The following RORB variants were observed in gnomAD, a reference collection of about 807,000 sequenced individuals.
RORB encodes the protein nuclear receptor ROR-beta.
In RORB, 6 loss-of-function variants were observed where a neutral mutation model predicts 59.1. The observed-to-expected ratio is 0.10, with a 90% CI of 0.06 to 0.20. The LOEUF (loss-of-function observed/expected upper bound fraction) is 0.20. Ranked by LOEUF, RORB falls within the 10% of genes least tolerant of loss-of-function variation. The pLI is 1.00. For missense variants in RORB, 320 were observed against 560.5 expected (o/e 0.57, Z 4.33); for synonymous variants, 215 against 204.5 (o/e 1.05, Z -0.44).
chr9:74,641,890 GAGCA>G (rs990080622), intron 3 of RORB, among the ~76,000 whole-genome samples: 3 of 152,084 alleles, frequency 2.0e-5, no homozygotes, highest in Admixed American at 2.0e-4. Context: ...CTGGGTGACA[GAGCA>G]AGACCCTGTC....
intron 1 of RORB, among the ~76,000 whole-genome samples, chr9:74,598,490 T>G (rs1168228755): frequency 6.6e-6 from 1 of 152,228 alleles, no homozygotes; most frequent in East Asian, 1.9e-4. Context: ...TTTTAAATTT[T>G]TTTTTAAATT....
chr9:74,639,131 C>A (rs1823752076), intron 3 of RORB, among the ~76,000 whole-genome samples: 1 of 152,214 alleles, frequency 6.6e-6, no homozygotes, highest in Non-Finnish European at 1.5e-5. Flanking sequence ...AGTTCTATAG[C>A]TCTGCTGATT....
chr9:74,545,846 A>G (rs1826478127), intron 1 of RORB, among the ~76,000 whole-genome samples: 1 of 152,156 alleles, frequency 6.6e-6, no homozygotes, highest in East Asian at 1.9e-4. Context: ...TATCATTGGC[A>G]TAAGCCAATA....
At chr9:74,646,096 T>A (rs1823893363) in intron 4 of RORB, among the ~76,000 whole-genome samples, 1 of 149,510 alleles carries the variant, frequency 6.7e-6, no homozygotes. Flanking sequence ...TTTTGCCACA[T>A]CCTGACTGGG....
At chr9:74,634,898 T>A in intron 3 of RORB, 126 bp downstream of exon 3, 1 of 811,116 alleles carries the variant, frequency 1.2e-6, no homozygotes, top group Non-Finnish European at 1.9e-6. Context: ...AAAATCACTG[T>A]GCTGCTAGTG....
chr9:74,585,024 G>T (rs1396605957), intron 1 of RORB, among the ~76,000 whole-genome samples: 2 of 152,190 alleles, frequency 1.3e-5, no homozygotes, highest in Non-Finnish European at 2.9e-5. Context: ...TCCAATCTCA[G>T]CCCTAATGCA....
chr9:74,529,135 A>C (rs900713455), intron 1 of RORB, among the ~76,000 whole-genome samples: 1 of 152,014 alleles, frequency 6.6e-6, no homozygotes, highest in Non-Finnish European at 1.5e-5. Context: ...TTCTCCTGCT[A>C]TTACAGAATT....
intron 1 of RORB, among the ~76,000 whole-genome samples, chr9:74,586,514 G>A (rs889635750): frequency 2.0e-5 from 3 of 151,728 alleles, no homozygotes; most frequent in Non-Finnish European, 4.4e-5. Context: ...AAAGAAAAAA[G>A]AGAGAAATAT....
chr9:74,636,541 A>T (rs919997735), intron 3 of RORB, among the ~76,000 whole-genome samples: 1 of 152,172 alleles, frequency 6.6e-6, no homozygotes, highest in Non-Finnish European at 1.5e-5. Context: ...GGGTCATTTA[A>T]CAGAGCCACA....
intron 1 of RORB, among the ~76,000 whole-genome samples, chr9:74,506,311 A>C (rs1484194796): frequency 6.6e-6 from 1 of 152,078 alleles, no homozygotes; most frequent in African/African-American, 2.4e-5. Flanking sequence ...TAAAATCAAC[A>C]CTTGCTGACT....
chr9:74,648,568 A>G (rs1823938779), intron 4 of RORB, among the ~76,000 whole-genome samples: 1 of 152,206 alleles, frequency 6.6e-6, no homozygotes, highest in Admixed American at 6.5e-5. Context: ...TAACTTGTCC[A>G]TGGCAGTAGC....
intron 1 of RORB, among the ~76,000 whole-genome samples, chr9:74,556,707 C>CT (rs1285737946): frequency 1.3e-5 from 2 of 152,112 alleles, no homozygotes; most frequent in Non-Finnish European, 2.9e-5. Context: ...AAAGTCATTC[C>CT]TTTAAAAGTA....
In RORB at chr9:74,642,466, G is replaced by A; in HGVS notation, c.288G>A (p.Glu96=). The A allele has an allele frequency of 1.2e-6, 2 of 1,614,152 alleles. No homozygotes were observed. The highest frequency in any genetic ancestry group is 1.7e-6 in the Non-Finnish European group (2 of 1,180,008). The change falls in exon 4 of 10, where the codon GAG becomes GAA. Residue 96 remains glutamate (E), a synonymous_variant. Coordinates refer to ENST00000376896, the MANE Select transcript of RORB (RefSeq NM_006914.4). ...AGCAAAGGGACAGCCTGTATGCTGA[G>A]GTGCAGAAGCACCAGCAGCGGCTGC... ...SKKQRDSLYA[E]VQKHQQRLQE...
chr9:74,540,883 T>C (rs575200258), intron 1 of RORB, among the ~76,000 whole-genome samples: 41 of 152,310 alleles, frequency 2.7e-4, no homozygotes, highest in African/African-American at 9.4e-4. Flanking sequence ...TTTATATACA[T>C]TTCCAAACTG....
chr9:74,508,533 A>G (rs1825896852), intron 1 of RORB, among the ~76,000 whole-genome samples: 1 of 152,040 alleles, frequency 6.6e-6, no homozygotes, highest in Non-Finnish European at 1.5e-5. Flanking sequence ...AACTAAAATA[A>G]TGCTTTAAAA....
At chr9:74,650,154 G>A (rs1258360896) in intron 4 of RORB, among the ~76,000 whole-genome samples, 1 of 152,188 alleles carries the variant, frequency 6.6e-6, no homozygotes, top group East Asian at 1.9e-4. Context: ...TGGAGGAGCA[G>A]GGAATGTTTC....
At chr9:74,521,228 C>T (rs1440972576) in intron 1 of RORB, among the ~76,000 whole-genome samples, 2 of 151,782 alleles carry the variant, frequency 1.3e-5, no homozygotes, top group East Asian at 3.9e-4. Context: ...TGGTGAAGTC[C>T]AGCTGTAACA....
chr9:74,641,094 A>G (rs944108906), intron 3 of RORB, among the ~76,000 whole-genome samples: 1 of 152,192 alleles, frequency 6.6e-6, no homozygotes, highest in Non-Finnish European at 1.5e-5. Context: ...GAATACCGTC[A>G]CAAAAGAACA....
chr9:74,667,692 T>C, intron 7 of RORB, 99 bp from the exon 8 acceptor site: 1 of 732,656 alleles, frequency 1.4e-6, no homozygotes, highest in South Asian at 1.6e-5. Context: ...AAGTCTAGTA[T>C]GCACCTCCTT....
Sources: gnomAD v4.1 joint callset for allele counts (sites outside exome capture counted in the v4.1 genomes callset) on GRCh38, gnomAD v4.1.1 for gene constraint, MANE v1.5 for transcripts, NCBI Gene and HGNC (gene_info 2026-07-23, HGNC 2026-07-21) for gene names.